Variants in RBM25 observed in about 807,000 individuals in gnomAD.
RBM25 encodes the protein RNA-binding protein 25.
A neutral mutation model predicts 120.7 loss-of-function variants in RBM25; 19 were observed. The ratio of observed to expected loss-of-function variants is 0.16; its 90% CI spans 0.11 to 0.23. The LOEUF (loss-of-function observed/expected upper bound fraction) is 0.23, where lower values mean the gene tolerates loss of function less well. Among genes scored for constraint, RBM25 ranks in the 10% least tolerant of loss-of-function variants. The pLI is 1.00. For synonymous variants in RBM25, 390 were observed against 326.7 expected, an observed-to-expected ratio of 1.19 and a Z score of -2.09; for missense variants, 605 against 1,041.5, an observed-to-expected ratio of 0.58 and a Z score of 5.77.
intron 4 of RBM25, among the ~76,000 whole-genome samples, chr14:73,078,228 G>A (rs1232905938): frequency 2.0e-5 from 3 of 152,084 alleles, no homozygotes; most frequent in South Asian, 2.1e-4. Flanking sequence ...CCTTGAACCC[G>A]TGAGATGGAG....
At chr14:73,114,397 C>G in intron 18 of RBM25, 64 bp downstream of exon 18, 1 of 1,241,912 alleles carries the variant, frequency 8.1e-7, no homozygotes, top group South Asian at 1.4e-5. Flanking sequence ...TTTTTTTTGT[C>G]TTAAAATATA....
At position 73,111,163 on chromosome 14, in the gene RBM25, A is replaced by G. The variant is rs765492638; in HGVS notation, c.2017+8A>G. On this transcript the variant is annotated splice_region_variant and intron_variant, in intron 15 of 18. Coordinates refer to ENST00000261973, the MANE Select transcript of RBM25 (RefSeq NM_021239.3). ...GACTAAGTCTTAAACTGGGTACGTT[A>G]GCATTTCCTTCCTTCTTTATTTTCT... 44 of 1,581,582 alleles carry G rather than the reference A, an allele frequency of 2.8e-5. No homozygotes were observed. The highest frequency in any genetic ancestry group is 3.6e-5 in the Non-Finnish European group (42 of 1,152,804).
chr14:73,106,607 G>A (rs2140458563), intron 12 of RBM25, among the ~76,000 whole-genome samples: 1 of 152,170 alleles, frequency 6.6e-6, no homozygotes, highest in East Asian at 1.9e-4. Flanking sequence ...GTTGTTATTA[G>A]ATATAATAGT....
chr14:73,116,381 G>T (rs1309471358), intron 18 of RBM25, among the ~76,000 whole-genome samples: 2 of 152,140 alleles, frequency 1.3e-5, no homozygotes, highest in Non-Finnish European at 2.9e-5. Flanking sequence ...TGTCAGGGAG[G>T]GACATCGTGG....
chr14:73,109,371 A>T lies in RBM25; in HGVS notation c.1571A>T (p.Asp524Val). The change falls in exon 14 of 19, where the codon GAT (aspartate) becomes GTT (valine). Residue 524 changes from aspartate to valine, a missense_variant. Physicochemically the swap from Asp to Val is radical, Grantham distance 152. Coordinates refer to ENST00000261973, the MANE Select transcript of RBM25 (RefSeq NM_021239.3). ...AGTGCTCTTCAGAAAAGGTTGCGTG[A>T]TAGAGAAAAGGAAATGGAAGCAGAT... ...RGSALQKRLR[D>V]REKEMEADER... 1 of 1,614,102 alleles carries T rather than the reference A, an allele frequency of 6.2e-7. No homozygotes were observed. Among genetic ancestry groups the T allele is most frequent in the Non-Finnish European group, 8.5e-7 (1 of 1,179,990 alleles).
intron 1 of RBM25, among the ~76,000 whole-genome samples, chr14:73,066,343 ATCC>A (rs532407696): frequency 6.2e-4 from 94 of 152,234 alleles, no homozygotes; most frequent in African/African-American, 2.1e-3. Flanking sequence ...AGTATATTAA[ATCC>A]TCCTAAGGGC....
At chr14:73,087,181 T>C (rs1056001578) in intron 5 of RBM25, among the ~76,000 whole-genome samples, 1 of 152,216 alleles carries the variant, frequency 6.6e-6, no homozygotes, top group African/African-American at 2.4e-5. Context: ...TTTAATTTTG[T>C]TTTAATATTT....
At chr14:73,082,278 A>G (rs1156312619) in intron 4 of RBM25, among the ~76,000 whole-genome samples, 2 of 151,834 alleles carry the variant, frequency 1.3e-5, no homozygotes, top group Non-Finnish European at 2.9e-5. Flanking sequence ...TCTTTTTTTT[A>G]ACTGGATGGA....
rs534598022 is a variant in RBM25, at chr14:73,122,429, G to A, written c.*2624G>A. 2 of 151,854 alleles carry A rather than the reference G, an allele frequency of 1.3e-5. No homozygotes were observed. Among genetic ancestry groups the A allele is most frequent in the African/African-American group, 4.8e-5 (2 of 41,416 alleles). The allele number at this position is 151,854 out of a possible 1,614,324, so 9.4% of individuals were successfully genotyped here. A position where few individuals can be genotyped will look rare whatever the true frequency, so the allele number is the denominator to read the frequency against. On this transcript the variant is annotated 3_prime_UTR_variant, in exon 19 of 19. Transcript: ENST00000261973. ...AGCTGGGATTACAGGTGCCCACCAC[G>A]ACACCTGGCTAATTTTTTGTATTTT...
rs936979533 is a variant in RBM25 at position 73,120,048 on chromosome 14, G to A, written c.*243G>A. The A allele has an allele frequency of 2.9e-5, 12 of 420,884 alleles. No individual in the cohort carries two copies. The highest frequency in any genetic ancestry group is 1.3e-4 in the African/African-American group (6 of 46,978). 26.1% of individuals were successfully genotyped at this position (420,884 alleles called of 1,614,324 possible). A position where few individuals can be genotyped will look rare whatever the true frequency, so the allele number is the denominator to read the frequency against. ...AAATTACTGGTATGTTTTATAAGCC[G>A]CAGCTACTGTACACAGCCTATCTGA... On this transcript the variant is annotated 3_prime_UTR_variant, in exon 19 of 19. Coordinates refer to ENST00000261973, the MANE Select transcript of RBM25 (RefSeq NM_021239.3).
intron 9 of RBM25, chr14:73,102,876 A>C (rs362425): frequency 0.015 from 3,893 of 256,196 alleles, 148 homozygotes; most frequent in African/African-American, 0.075. Context: ...GTATTCATAG[A>C]AAATATTTCG....
At chr14:73,087,212 G>A (rs1459221698) in intron 5 of RBM25, among the ~76,000 whole-genome samples, 3 of 152,044 alleles carry the variant, frequency 2.0e-5, no homozygotes, top group African/African-American at 4.8e-5. Flanking sequence ...CATCTTAATA[G>A]TGAGATTGAC....
chr14:73,090,194 G>C (rs1895779915), intron 6 of RBM25, among the ~76,000 whole-genome samples: 1 of 151,862 alleles, frequency 6.6e-6, no homozygotes, highest in African/African-American at 2.4e-5. Context: ...GAGATTTTAG[G>C]CACCCGCCAC....
intron 17 of RBM25, 86 bp from the exon 18 acceptor site, chr14:73,114,200 A>G: frequency 1.1e-6 from 1 of 945,952 alleles, no homozygotes; most frequent in East Asian, 2.7e-5. Context: ...TCCTGTATGA[A>G]TTTGAGGATT....
Position 73,106,282 on chromosome 14 carries a change from A to G in RBM25, c.1464A>G (p.Glu488=). 2 of 1,578,858 alleles carry G rather than the reference A, an allele frequency of 1.3e-6. No individual in the cohort carries two copies. Among genetic ancestry groups the G allele is most frequent in the South Asian group, 2.4e-5 (2 of 84,814 alleles). The change falls in exon 12 of 19, where the codon GAA becomes GAG. Residue 488 remains glutamate, a synonymous_variant. Coordinates refer to ENST00000261973, the MANE Select transcript of RBM25 (RefSeq NM_021239.3). ...EAEREEERRR[E]MAKEAKRLKE... ...AAAGAGAAGAAGAAAGAAGAAGAGA[A>G]ATGGTAAGATTCTAGGCTAAAATAA...
chr14:73,117,205 C>CTTTTT (rs1896448964), intron 18 of RBM25, among the ~76,000 whole-genome samples: 1 of 36,564 alleles, frequency 2.7e-5, no homozygotes, highest in Non-Finnish European at 5.7e-5. Context: ...TTTCTTTCTT[C>CTTTTT]TTTTCTTTTT....
chr14:73,088,324 T>A, intron 6 of RBM25, 163 bp downstream of exon 6: 2 of 919,212 alleles, frequency 2.2e-6, no homozygotes, highest in Non-Finnish European at 3.4e-6. Flanking sequence ...ATTTTAAGTC[T>A]TATCTGCCCA....
At chr14:73,103,994 A>ACACACTCT (rs1339176135) in intron 10 of RBM25, among the ~76,000 whole-genome samples, 5 of 99,452 alleles carry the variant, frequency 5.0e-5, no homozygotes, top group Non-Finnish European at 7.8e-5. Flanking sequence ...ACACACACAC[A>ACACACTCT]CTCTCTCTCT....
rs970878110 is a variant in RBM25, at chr14:73,063,441, G to C, written c.-16+4736G>C. ...TGGGATTACAGGCTTGAGCCACCGCGCCCGGCCCGGAGTTTCATACTTAGC... is the reference window on the plus strand; with the variant it reads ...TGGGATTACAGGCTTGAGCCACCGCCCCCGGCCCGGAGTTTCATACTTAGC... On this transcript the variant is annotated intron_variant, in intron 1 of 18. Coordinates refer to ENST00000261973, the MANE Select transcript of RBM25 (RefSeq NM_021239.3). Among the ~76,000 whole-genome samples the C allele has an allele frequency of 2.4e-4, 37 of 151,424 alleles. 1 individual carries two copies. The highest frequency in any genetic ancestry group is 3.7e-4 in the Non-Finnish European group (25 of 67,560).
Sources: allele counts gnomAD v4.1 joint callset (sites outside exome capture counted in the v4.1 genomes callset), GRCh38; gene constraint gnomAD v4.1.1; transcripts MANE v1.5; gene names NCBI Gene and HGNC (gene_info 2026-07-23, HGNC 2026-07-21).